The following ARNT2 variants were observed in gnomAD, a reference collection of about 807,000 sequenced individuals.
ARNT2 encodes the protein aryl hydrocarbon receptor nuclear translocator 2.
Under a neutral mutation model 91.7 loss-of-function variants are expected in ARNT2, and 36 were observed. That is an observed-to-expected ratio of 0.39 (90% confidence interval 0.30 to 0.52). ARNT2 has a LOEUF of 0.52. ARNT2 is among the 20% of genes least tolerant of loss of function. ARNT2 has a pLI of 0.72. For missense variants in ARNT2, 775 were observed against 939.3 expected, an observed-to-expected ratio of 0.83 and a Z score of 2.29; for synonymous variants, 365 against 347.1, an observed-to-expected ratio of 1.05 and a Z score of -0.57.
At chr15:80,411,377 G>A (rs1895678722) in intron 1 of ARNT2, among the ~76,000 whole-genome samples, 1 of 152,192 alleles carries the variant, frequency 6.6e-6, no homozygotes, top group African/African-American at 2.4e-5. Flanking sequence ...ATGAATAAAT[G>A]GAGGGATGCC....
chr15:80,570,048 G>A (rs1447881701), intron 12 of ARNT2, among the ~76,000 whole-genome samples: 1 of 152,246 alleles, frequency 6.6e-6, no homozygotes, highest in Non-Finnish European at 1.5e-5. Context: ...TAGAATGGGA[G>A]ACATGGAATA....
At chr15:80,474,723 A>G (rs1358955193) in intron 4 of ARNT2, among the ~76,000 whole-genome samples, 1 of 152,172 alleles carries the variant, frequency 6.6e-6, no homozygotes, top group Admixed American at 6.5e-5. Context: ...CCTTCTGGTG[A>G]TCACTCATTG....
At chr15:80,437,613 C>A (rs1393851024) in intron 1 of ARNT2, among the ~76,000 whole-genome samples, 1 of 152,192 alleles carries the variant, frequency 6.6e-6, no homozygotes, top group Non-Finnish European at 1.5e-5. Context: ...TGCCTTTTCC[C>A]CCTTTCATCA....
At chr15:80,522,130 A>G (rs966034497) in intron 8 of ARNT2, among the ~76,000 whole-genome samples, 3 of 152,214 alleles carry the variant, frequency 2.0e-5, no homozygotes, top group Admixed American at 2.0e-4. Context: ...CAGTTCTTAA[A>G]TGTAAATAAT....
chr15:80,523,502 A>T (rs1023575885), intron 8 of ARNT2, among the ~76,000 whole-genome samples: 4 of 152,170 alleles, frequency 2.6e-5, no homozygotes, highest in African/African-American at 9.7e-5. Flanking sequence ...GTACTGACAA[A>T]TTCTGTGCCA....
At position 80,505,971 on chromosome 15, in the gene ARNT2, C is replaced by G. The variant is rs1362598269; in HGVS notation, c.623-2185C>G. Among the ~76,000 whole-genome samples the G allele has an allele frequency of 2.3e-5, 3 of 128,192 alleles. No homozygotes were observed. The East Asian group carries it at 6.3e-4, about 27-fold the overall frequency. 84.1% of individuals were successfully genotyped at this position (128,192 alleles called of 152,430 possible). ...TTGAGACGGAGTCTTGCTCTGTCGC[C>G]CAGGCCGTACTGCGGACCGCAGTGG... On this transcript the variant is annotated intron_variant, in intron 5 of 18. Transcript: ENST00000303329.
At chr15:80,560,558 A>G (rs1898319319) in intron 11 of ARNT2, among the ~76,000 whole-genome samples, 1 of 152,008 alleles carries the variant, frequency 6.6e-6, no homozygotes, top group Admixed American at 6.6e-5. Flanking sequence ...AGTTGCATGG[A>G]GCTAACAAAT....
intron 3 of ARNT2, among the ~76,000 whole-genome samples, chr15:80,461,922 AAACCCT>A (rs1896561335): frequency 6.6e-6 from 1 of 152,136 alleles, no homozygotes; most frequent in Non-Finnish European, 1.5e-5. Context: ...AGGTGGTGAT[AAACCCT>A]GTGTCTTTGG....
chr15:80,428,784 T>A (rs529143460), intron 1 of ARNT2, among the ~76,000 whole-genome samples: 3 of 152,360 alleles, frequency 2.0e-5, no homozygotes, highest in South Asian at 4.1e-4. Flanking sequence ...AACTCCCAGC[T>A]TTTATTCTGT....
At chr15:80,496,710 C>G in intron 5 of ARNT2, among the ~76,000 whole-genome samples, 1 of 152,162 alleles carries the variant, frequency 6.6e-6, no homozygotes, top group East Asian at 1.9e-4. Context: ...AGCTCAGCTT[C>G]TGGAAGTTGC....
chr15:80,550,370 C>CT (rs1208596241), intron 8 of ARNT2, among the ~76,000 whole-genome samples: 2 of 152,172 alleles, frequency 1.3e-5, no homozygotes, highest in Non-Finnish European at 2.9e-5. Flanking sequence ...TTGTGTGACT[C>CT]TATCACTGTG....
intron 1 of ARNT2, among the ~76,000 whole-genome samples, chr15:80,448,613 T>C (rs977141311): frequency 2.0e-5 from 3 of 152,218 alleles, no homozygotes; most frequent in Admixed American, 6.5e-5. Flanking sequence ...TTTCTAGGAT[T>C]ACCAACAATG....
intron 6 of ARNT2, among the ~76,000 whole-genome samples, 190 bp from the exon 7 acceptor site, chr15:80,513,721 C>CAAAAAAA (rs36113299): frequency 4.6e-4 from 46 of 100,834 alleles, no homozygotes; most frequent in African/African-American, 1.1e-3. Context: ...TCTTCAGTCA[C>CAAAAAAA]AAAAAAAAAA....
chr15:80,433,119 C>T (rs2141570617), intron 1 of ARNT2, among the ~76,000 whole-genome samples: 1 of 151,934 alleles, frequency 6.6e-6, no homozygotes, highest in East Asian at 1.9e-4. Context: ...CATAAAACCT[C>T]TTAAAGGGGA....
intron 1 of ARNT2, among the ~76,000 whole-genome samples, chr15:80,431,600 T>A (rs1344853915): frequency 6.6e-6 from 1 of 152,162 alleles, no homozygotes; most frequent in East Asian, 1.9e-4. Flanking sequence ...GCGGCTGGAA[T>A]AGGGGTCCTT....
At chr15:80,534,319 T>C (rs773841826) in intron 8 of ARNT2, among the ~76,000 whole-genome samples, 33 of 147,038 alleles carry the variant, frequency 2.2e-4, no homozygotes, top group Admixed American at 3.3e-4. Flanking sequence ...CTTACCTTCT[T>C]TTTTTTTTGT....
intron 15 of ARNT2, among the ~76,000 whole-genome samples, chr15:80,578,255 G>T (rs1281511963): frequency 3.3e-5 from 5 of 152,168 alleles, no homozygotes; most frequent in Non-Finnish European, 5.9e-5. Flanking sequence ...ACCGGAGAAG[G>T]TCTGGCTGAC....
intron 5 of ARNT2, among the ~76,000 whole-genome samples, chr15:80,497,520 G>A (rs553437144): frequency 6.6e-6 from 1 of 152,320 alleles, no homozygotes; most frequent in African/African-American, 2.4e-5. Context: ...CTAAGTAATA[G>A]CCCAGCCCAG....
At chr15:80,574,948 G>A (rs566012249) in intron 13 of ARNT2, 39 bp from the exon 14 acceptor site, 57 of 1,605,728 alleles carry the variant, frequency 3.5e-5, no homozygotes, top group Middle Eastern at 3.3e-4. Flanking sequence ...TGTGCCTTAC[G>A]CATGAGTTGC....
Sources: allele counts gnomAD v4.1 joint callset (sites outside exome capture counted in the v4.1 genomes callset), GRCh38; gene constraint gnomAD v4.1.1; transcripts MANE v1.5; gene names NCBI Gene and HGNC (gene_info 2026-07-23, HGNC 2026-07-21).